The following MYO16 variants were observed in gnomAD, a reference collection of about 807,000 sequenced individuals.
The protein encoded by MYO16 is myosin XVI.
In MYO16, 94 loss-of-function variants were observed where a neutral mutation model predicts 205.3. The ratio of observed to expected loss-of-function variants is 0.46; its 90% CI spans 0.39 to 0.54. The LOEUF is 0.54. MYO16 is among the 20% of genes least tolerant of loss of function. The probability of loss-of-function intolerance (pLI) is 0.00; values close to 1 mark genes in which losing one functional copy is unlikely to be tolerated. For missense variants in MYO16, 2,315 were observed against 2,387.5 expected (o/e 0.97, Z 0.63); for synonymous variants, 988 against 954.0 (o/e 1.04, Z -0.66).
chr13:108,882,256 A>G (rs765570960), intron 12 of MYO16, among the ~76,000 whole-genome samples: 1 of 152,222 alleles, frequency 6.6e-6, no homozygotes, highest in Non-Finnish European at 1.5e-5. Context: ...CTGAATCAAG[A>G]GACCTCGTTC....
the MYO16 span, among the ~76,000 whole-genome samples, chr13:108,538,345 C>T: frequency 6.6e-6 from 1 of 151,948 alleles, no homozygotes; most frequent in Middle Eastern, 3.2e-3. Context: ...AGTATAATAT[C>T]GTGAGAAGGA....
chr13:108,633,471 G>A (rs1880080420), intron 1 of MYO16, among the ~76,000 whole-genome samples: 1 of 152,300 alleles, frequency 6.6e-6, no homozygotes, highest in Non-Finnish European at 1.5e-5. Flanking sequence ...ATGTAGGCTG[G>A]AAGACTCAGC....
At position 109,019,825 on chromosome 13, in the gene MYO16, G is replaced by T. The variant is rs781028366; in HGVS notation, c.2710G>T (p.Val904Leu). The T allele has an allele frequency of 1.2e-5, 20 of 1,613,984 alleles. No individual in the cohort carries two copies. The Admixed American group carries it at 3.2e-4, about 26-fold the overall frequency. The change falls in exon 23 of 35, where the codon GTG (valine) becomes TTG (leucine). Residue 904 changes from valine (V) to leucine (L), a missense_variant. Val to Leu is a conservative substitution (Grantham distance 32). Transcript: ENST00000457511. The part of the protein sequence containing the change: ...SLLESSNTNA[V>L]YSPMKDGNGN... Reference sequence around the variant, plus strand: ...CCTAGAATCCTCAAACACAAATGCGGTGTACTCCCCCATGAAGGATGGGAA... The same window carrying T: ...CCTAGAATCCTCAAACACAAATGCGTTGTACTCCCCCATGAAGGATGGGAA...
intron 1 of MYO16, among the ~76,000 whole-genome samples, chr13:108,654,886 A>G (rs1447835955): frequency 6.6e-6 from 1 of 152,194 alleles, no homozygotes; most frequent in Non-Finnish European, 1.5e-5. Flanking sequence ...AACTTGATAG[A>G]GATGATTTAG....
chr13:108,597,798 G>A (rs768651437), intron 1 of MYO16, among the ~76,000 whole-genome samples: 1 of 152,138 alleles, frequency 6.6e-6, no homozygotes, highest in Non-Finnish European at 1.5e-5. Flanking sequence ...AGAACATTAG[G>A]TTGTGTTTCA....
At chr13:109,116,259 G>T (rs1042390221) in intron 28 of MYO16, among the ~76,000 whole-genome samples, 2 of 152,076 alleles carry the variant, frequency 1.3e-5, no homozygotes, top group African/African-American at 4.8e-5. Flanking sequence ...AACCTCCACC[G>T]AGTGAATCCG....
chr13:108,507,933 T>C, the MYO16 span, among the ~76,000 whole-genome samples: 1 of 152,052 alleles, frequency 6.6e-6, no homozygotes, highest in South Asian at 2.1e-4. Context: ...TGTTGAACAT[T>C]TATAGTGAAT....
At chr13:108,773,785 A>G (rs1886041856) in intron 4 of MYO16, among the ~76,000 whole-genome samples, 2 of 151,788 alleles carry the variant, frequency 1.3e-5, no homozygotes, top group African/African-American at 4.8e-5. Flanking sequence ...TAAATTTGAA[A>G]TTATATTTTA....
intron 4 of MYO16, among the ~76,000 whole-genome samples, chr13:108,769,014 A>G (rs1485303402): frequency 6.6e-6 from 1 of 152,210 alleles, no homozygotes; most frequent in Non-Finnish European, 1.5e-5. Context: ...GTTAGTTAAT[A>G]TTATTAATAA....
chr13:108,634,203 C>T (rs1566517684), intron 1 of MYO16, among the ~76,000 whole-genome samples: 1 of 152,092 alleles, frequency 6.6e-6, no homozygotes, highest in Non-Finnish European at 1.5e-5. Context: ...GCCTAGAGAC[C>T]CCTTCTTCTA....
chr13:108,854,121 G>A (rs1878045636), intron 10 of MYO16, among the ~76,000 whole-genome samples: 1 of 152,032 alleles, frequency 6.6e-6, no homozygotes, highest in Admixed American at 6.5e-5. Flanking sequence ...AGCTTCCTGA[G>A]TAGCTGAGAT....
chr13:108,581,298 T>G, the MYO16 span, among the ~76,000 whole-genome samples: 1 of 152,196 alleles, frequency 6.6e-6, no homozygotes, highest in Non-Finnish European at 1.5e-5. Flanking sequence ...GTGAATATGA[T>G]TAGAGATTCC....
rs527304362 is a variant in MYO16 at position 108,973,694 on chromosome 13, A to G, written c.2369+8792A>G. Among the ~76,000 whole-genome samples the G allele has an allele frequency of 2.6e-5, 4 of 152,300 alleles. No homozygotes were observed. In the Middle Eastern group the frequency reaches 0.014, roughly 518 times the overall value. ...AAAGAACACATCCAGTAGGATGTAAATTAAAGGTGATATCAGTGTATTAGG... is the reference window on the plus strand; with the variant it reads ...AAAGAACACATCCAGTAGGATGTAAGTTAAAGGTGATATCAGTGTATTAGG... On this transcript the variant is annotated intron_variant, in intron 20 of 34. Coordinates refer to ENST00000457511, the MANE Select transcript of MYO16 (RefSeq NM_001198950.3).
At position 109,140,112 on chromosome 13, in the gene MYO16, C is replaced by A; in HGVS notation, c.4052-152C>A. The A allele has an allele frequency of 1.5e-6, 2 of 1,372,124 alleles. No individual in the cohort carries two copies. Among genetic ancestry groups the A allele is most frequent in the Non-Finnish European group, 9.5e-7 (1 of 1,051,074 alleles). 85.0% of individuals were successfully genotyped at this position (1,372,124 alleles called of 1,614,324 possible). On this transcript the variant is annotated intron_variant, in intron 31 of 34. Transcript: ENST00000457511. The surrounding 1 kb of genome is among the most constrained non-coding windows in gnomAD (Gnocchi z 8.0). ...GTGGTCTCAGGAGTTCGGGTTCAGC[C>A]AGGGAGCCTAGTGGGTGGAGGAACA...
intron 22 of MYO16, among the ~76,000 whole-genome samples, chr13:109,012,889 G>T (rs1315922087): frequency 2.0e-5 from 3 of 150,572 alleles, no homozygotes; most frequent in Non-Finnish European, 4.4e-5. Flanking sequence ...CTTTCTTCTA[G>T]GTCTAAAAAT....
intron 4 of MYO16, among the ~76,000 whole-genome samples, chr13:108,751,292 T>G (rs1703176357): frequency 6.6e-6 from 1 of 152,054 alleles, no homozygotes; most frequent in African/African-American, 2.4e-5. Context: ...TTGTAGTGCT[T>G]GAAACTTGGG....
At chr13:108,558,705 C>T in the MYO16 span, among the ~76,000 whole-genome samples, 2 of 152,174 alleles carry the variant, frequency 1.3e-5, no homozygotes, top group African/African-American at 4.8e-5. Flanking sequence ...CCTGCTGCCT[C>T]CTGTAACTTA....
chr13:108,762,180 C>T (rs1386932857), intron 4 of MYO16, among the ~76,000 whole-genome samples: 2 of 152,130 alleles, frequency 1.3e-5, no homozygotes, highest in Non-Finnish European at 2.9e-5. Flanking sequence ...CGATTTCATT[C>T]TTTTTGTGGC....
intron 16 of MYO16, among the ~76,000 whole-genome samples, chr13:108,924,802 A>C (rs1881911637): frequency 8.0e-6 from 1 of 125,152 alleles, no homozygotes; most frequent in Admixed American, 8.7e-5. Flanking sequence ...GTCAGGCTAG[A>C]GGGTTTTGTT....
Sources: gnomAD v4.1 joint callset for allele counts (sites outside exome capture counted in the v4.1 genomes callset) on GRCh38, gnomAD v4.1.1 for gene constraint, Gnocchi (gnomAD v3.1) non-coding constraint, MANE v1.5 for transcripts, NCBI Gene and HGNC (gene_info 2026-07-23, HGNC 2026-07-21) for gene names.